Variants in CDH4 observed in about 807,000 individuals in gnomAD.
CDH4 encodes cadherin 4, also known as cadherin-4.
In CDH4, 33 loss-of-function variants were observed where a neutral mutation model predicts 86.0. That is an observed-to-expected ratio of 0.38 (90% CI 0.29 to 0.51). The LOEUF (loss-of-function observed/expected upper bound fraction) is 0.51. Among genes scored for constraint, CDH4 ranks in the 20% least tolerant of loss-of-function variants. CDH4 has a pLI of 0.86. For synonymous variants in CDH4, 555 were observed against 549.4 expected, an observed-to-expected ratio of 1.01 and a Z score of -0.14; for missense variants, 1,114 against 1,307.4, an observed-to-expected ratio of 0.85 and a Z score of 2.28.
At chr20:61,620,320 A>G (rs113164706) in intron 2 of CDH4, among the ~76,000 whole-genome samples, 6,414 of 149,336 alleles carry the variant, frequency 0.043, 469 homozygotes, top group African/African-American at 0.15. Context: ...AGGTAGGTAG[A>G]TGGATGGATG....
In CDH4 at chr20:61,417,750, A is replaced by G. The variant is rs2085154869; in HGVS notation, c.169+162813A>G. ...GCACATGGCGGGAAGTGGGCACAGG[A>G]GCCTTGACCTGACAAGGTCCTCGAG... On this transcript the variant is annotated intron_variant, in intron 2 of 15. Coordinates refer to ENST00000614565, the MANE Select transcript of CDH4 (RefSeq NM_001794.5). This position sits in a 1 kb window ranked among gnomAD's most constrained non-coding sequence, Gnocchi z 4.0. 6.6e-6 allele frequency among the ~76,000 whole-genome samples: 1 copy of G among 152,064 alleles called. No individual in the cohort carries two copies. Among genetic ancestry groups the G allele is most frequent in the African/African-American group, 2.4e-5 (1 of 41,398 alleles).
intron 2 of CDH4, among the ~76,000 whole-genome samples, chr20:61,399,119 C>CTTTTT (rs926368033): frequency 1.7e-4 from 13 of 77,026 alleles, no homozygotes; most frequent in Non-Finnish European, 2.1e-4. Flanking sequence ...GAAAAACCCA[C>CTTTTT]TTTTTTTTTT....
At chr20:61,552,040 A>C (rs1469232188) in intron 2 of CDH4, among the ~76,000 whole-genome samples, 1 of 152,208 alleles carries the variant, frequency 6.6e-6, no homozygotes, top group Non-Finnish European at 1.5e-5. Flanking sequence ...AGAAGAAAAC[A>C]TAGGTGTAAG....
intron 2 of CDH4, among the ~76,000 whole-genome samples, chr20:61,626,208 T>G (rs1568720238): frequency 6.6e-6 from 1 of 152,098 alleles, no homozygotes; most frequent in Non-Finnish European, 1.5e-5. Flanking sequence ...AACTGTCGAC[T>G]GGGTCAGGGA....
At chr20:61,340,590 T>C (rs2084644698) in intron 2 of CDH4, among the ~76,000 whole-genome samples, 1 of 135,278 alleles carries the variant, frequency 7.4e-6, no homozygotes, top group Non-Finnish European at 1.5e-5. Context: ...TATATGTTTC[T>C]TTTTTTTTTT....
intron 2 of CDH4, among the ~76,000 whole-genome samples, chr20:61,436,180 G>C (rs531293190): frequency 7.2e-5 from 11 of 152,192 alleles, no homozygotes; most frequent in Non-Finnish European, 1.0e-4. Context: ...CCCACCTTGG[G>C]CTCACCTTGC....
intron 5 of CDH4, among the ~76,000 whole-genome samples, chr20:61,850,879 G>A (rs1384235526): frequency 6.6e-6 from 1 of 152,262 alleles, no homozygotes; most frequent in African/African-American, 2.4e-5. Context: ...AGTGGGACAA[G>A]GAGGACACAG....
intron 2 of CDH4, among the ~76,000 whole-genome samples, chr20:61,376,159 T>G (rs115768240): frequency 0.071 from 10,594 of 149,666 alleles, 774 homozygotes; most frequent in East Asian, 0.39. Context: ...GTGCTCAAGA[T>G]GGTGATGGTG....
chr20:61,833,267 A>G (rs1399721904), intron 4 of CDH4, among the ~76,000 whole-genome samples: 9 of 151,954 alleles, frequency 5.9e-5, no homozygotes, highest in Non-Finnish European at 1.2e-4. Flanking sequence ...TGCAGTAAAA[A>G]CCTAAATTAA....
intron 2 of CDH4, among the ~76,000 whole-genome samples, chr20:61,482,777 A>C (rs2085575083): frequency 6.6e-6 from 1 of 152,132 alleles, no homozygotes; most frequent in South Asian, 2.1e-4. Flanking sequence ...TTGTTGATGG[A>C]ATGACACTAA....
Position 61,772,936 on chromosome 20 carries a change from T to C in CDH4, c.397-67T>C, listed in dbSNP as rs183073018. 106 of 1,427,748 alleles carry C rather than the reference T, an allele frequency of 7.4e-5. 1 individual carries two copies. The African/African-American group carries it at 1.4e-3, about 19-fold the overall frequency. 88.4% of individuals were successfully genotyped at this position (1,427,748 alleles called of 1,614,324 possible). ...GGGCAGTACAGATCATCTTAGCAGA[T>C]GCCATTTTCCTCTGTGCAAAACCTA... On this transcript the variant is annotated intron_variant, in intron 3 of 15. Coordinates refer to ENST00000614565, the MANE Select transcript of CDH4 (RefSeq NM_001794.5).
chr20:61,445,453 G>T (rs1209775163), intron 2 of CDH4, among the ~76,000 whole-genome samples: 1 of 152,198 alleles, frequency 6.6e-6, no homozygotes, highest in African/African-American at 2.4e-5. Flanking sequence ...GCCCTCTGAG[G>T]CAGGCGGGGC....
intron 2 of CDH4, among the ~76,000 whole-genome samples, chr20:61,661,095 GA>G (rs1165698382): frequency 0.022 from 3,010 of 139,184 alleles, 365 homozygotes; most frequent in African/African-American, 0.076. Flanking sequence ...GGGGGGGGGG[GA>G]GACACAGTGC....
In CDH4 at chr20:61,708,645, G is replaced by A. The variant is rs184046109; in HGVS notation, c.170-34918G>A. On this transcript the variant is annotated intron_variant, in intron 2 of 15. Transcript: ENST00000614565. This position sits in a 1 kb window ranked among gnomAD's most constrained non-coding sequence, Gnocchi z 4.5. Reference sequence around the variant, plus strand: ...CCTGTGCCTGGAGCCCCTCCCAGACGTTTGCACCCCACCCCTTCCCATCCT... The same window carrying A: ...CCTGTGCCTGGAGCCCCTCCCAGACATTTGCACCCCACCCCTTCCCATCCT... 3.9e-5 allele frequency among the ~76,000 whole-genome samples: 6 copies of A among 151,966 alleles called. No homozygotes were observed. The highest frequency in any genetic ancestry group is 2.1e-4 in the South Asian group (1 of 4,814).
intron 3 of CDH4, among the ~76,000 whole-genome samples, chr20:61,744,194 CTGTG>C (rs1216212871): frequency 1.3e-5 from 2 of 152,114 alleles, no homozygotes; most frequent in Admixed American, 6.6e-5. Context: ...CAAGCGGAGA[CTGTG>C]TGGTTGGAAA....
At chr20:61,511,498 C>T (rs1019334081) in intron 2 of CDH4, among the ~76,000 whole-genome samples, 2 of 152,262 alleles carry the variant, frequency 1.3e-5, no homozygotes, top group Admixed American at 1.3e-4. Context: ...GAGATGCCCT[C>T]TCTGCAGCTA....
At position 61,678,299 on chromosome 20, in the gene CDH4, GTGGA is replaced by G. The variant is rs372942568; in HGVS notation, c.170-65255_170-65252del. Among the ~76,000 whole-genome samples the G allele has an allele frequency of 8.3e-4, 126 of 152,134 alleles. 4 individuals carry two copies. The highest frequency in any genetic ancestry group is 3.0e-3 in the African/African-American group (123 of 41,488). On this transcript the variant is annotated intron_variant, in intron 2 of 15. Transcript: ENST00000614565. The stretch of plus-strand genomic sequence containing the variant: ...AGATAGATACATGATGGATGGATGG[GTGGA>G]TGGATGGACGGATGGATGGATGGAT...
At chr20:61,317,615 T>C (rs778313081) in intron 2 of CDH4, among the ~76,000 whole-genome samples, 48 of 152,054 alleles carry the variant, frequency 3.2e-4, no homozygotes, top group Non-Finnish European at 6.8e-4. Flanking sequence ...CTGTGCACTG[T>C]ATGGTGTTGA....
At chr20:61,617,908 C>A (rs1034297656) in intron 2 of CDH4, among the ~76,000 whole-genome samples, 2 of 152,146 alleles carry the variant, frequency 1.3e-5, no homozygotes, top group African/African-American at 4.8e-5. Flanking sequence ...GGCGGTTTCT[C>A]CCATGCTGTT....
Sources: gnomAD v4.1 joint callset for allele counts (sites outside exome capture counted in the v4.1 genomes callset) on GRCh38, gnomAD v4.1.1 for gene constraint, Gnocchi (gnomAD v3.1) non-coding constraint, MANE v1.5 for transcripts, NCBI Gene and HGNC (gene_info 2026-07-23, HGNC 2026-07-21) for gene names.